The following NELL1 variants were observed in gnomAD, a reference collection of about 807,000 sequenced individuals.
NELL1 encodes the protein protein kinase C-binding protein NELL1.
Under a neutral mutation model 107.4 loss-of-function variants are expected in NELL1, and 76 were observed. The observed-to-expected ratio is 0.71, with a 90% CI of 0.59 to 0.86. The LOEUF (loss-of-function observed/expected upper bound fraction) is 0.86. Among genes scored for constraint, NELL1 ranks in the 40% least tolerant of loss-of-function variants. The probability of loss-of-function intolerance (pLI) is 0.00; values close to 1 mark genes in which losing one functional copy is unlikely to be tolerated. For synonymous variants in NELL1, 353 were observed against 341.2 expected (o/e 1.03, Z -0.38); for missense variants, 1,024 against 1,005.5 (o/e 1.02, Z -0.25).
rs1292131415 is a variant in NELL1 at position 21,570,817 on chromosome 11, T to A, written c.2034T>A (p.Ala678=). The A allele has an allele frequency of 6.2e-7, 1 of 1,611,756 alleles. No individual in the cohort carries two copies. Among genetic ancestry groups the A allele is most frequent in the Non-Finnish European group, 8.5e-7 (1 of 1,178,652 alleles). ...CTTGTGATTGCCAGAATCCAAGTGC[T>A]GACCTATTCTGTTGCCCAGAATGTG... ...RTACDCQNPS[A]DLFCCPECDT... is the part of the protein sequence containing the mutation. Residue 678 remains alanine (A), a synonymous_variant, in exon 18 of 20, where the codon GCT becomes GCA. Transcript: ENST00000357134.
chr11:20,834,309 T>C (rs537325392), intron 3 of NELL1, among the ~76,000 whole-genome samples: 1 of 152,282 alleles, frequency 6.6e-6, no homozygotes, highest in African/African-American at 2.4e-5. Flanking sequence ...GGTTTTTAGC[T>C]TCTGTTCTGA....
intron 12 of NELL1, among the ~76,000 whole-genome samples, chr11:21,113,157 A>G (rs1437905569): frequency 2.6e-5 from 4 of 151,886 alleles, no homozygotes; most frequent in Non-Finnish European, 5.9e-5. Context: ...GAATTGAAGC[A>G]TGTCTTAGTA....
intron 15 of NELL1, among the ~76,000 whole-genome samples, chr11:21,492,747 G>T (rs1475411687): frequency 2.5e-5 from 3 of 118,124 alleles, no homozygotes; most frequent in African/African-American, 9.6e-5. Context: ...GACTGTTGTG[G>T]GGTGGGGGGA....
rs1352681984 is a variant in NELL1 at position 21,573,221 on chromosome 11, A to G, written c.2194A>G (p.Asn732Asp). Residue 732 changes from asparagine (N) to aspartate (D), a missense_variant, in exon 19 of 20, where the codon AAC (asparagine) becomes GAC (aspartate). Asn to Asp is a conservative substitution (Grantham distance 23). Coordinates refer to ENST00000357134, the MANE Select transcript of NELL1 (RefSeq NM_006157.5). ...AGATTGCTGGCCACTCACTTGCCCC[A>G]ACTTGAGCTGTGAGTATACAGCTAT... ...EVDCWPLTCPNLSCEYTAILE... is the reference protein window; with the variant it reads ...EVDCWPLTCPDLSCEYTAILE... 17 of 1,612,070 alleles carry G rather than the reference A, an allele frequency of 1.1e-5. No homozygotes were observed. Among genetic ancestry groups the G allele is most frequent in the Admixed American group, 1.7e-5 (1 of 59,818 alleles).
chr11:21,003,502 A>G (rs905166184), intron 12 of NELL1, among the ~76,000 whole-genome samples: 2 of 152,126 alleles, frequency 1.3e-5, no homozygotes, highest in African/African-American at 2.4e-5. Flanking sequence ...CAAACTCTTT[A>G]TTTTGTGGTA....
intron 13 of NELL1, among the ~76,000 whole-genome samples, chr11:21,189,681 C>CTTTTTTTTTTTTTTTTT (rs58557342): frequency 7.1e-6 from 1 of 141,496 alleles, no homozygotes; most frequent in African/African-American, 2.6e-5. Context: ...TTGTTTCTTC[C>CTTTTTTTTTTTTTTTTT]TTTTTTTTTT....
At chr11:21,468,600 A>AGTT (rs1178891031) in intron 15 of NELL1, among the ~76,000 whole-genome samples, 1 of 152,070 alleles carries the variant, frequency 6.6e-6, no homozygotes, top group Non-Finnish European at 1.5e-5. Context: ...TTCAATAACA[A>AGTT]GTTATTATCT....
chr11:21,404,660 C>T (rs2133802225), intron 15 of NELL1, among the ~76,000 whole-genome samples: 1 of 152,070 alleles, frequency 6.6e-6, no homozygotes, highest in South Asian at 2.1e-4. Flanking sequence ...TCATAATAAT[C>T]CCATGTAACA....
chr11:21,200,890 G>A (rs1437793495), intron 13 of NELL1, among the ~76,000 whole-genome samples: 1 of 152,182 alleles, frequency 6.6e-6, no homozygotes, highest in Non-Finnish European at 1.5e-5. Flanking sequence ...ATTAAATAGA[G>A]TATTCTTTCC....
rs58966638 is a variant in NELL1 at position 21,304,568 on chromosome 11, GT to G, written c.1550-66274del. Among the ~76,000 whole-genome samples the G allele has an allele frequency of 1.6e-3, 217 of 132,738 alleles. 2 individuals are homozygous for G. The highest frequency in any genetic ancestry group is 3.6e-3 in the Middle Eastern group (1 of 274). 87.1% of individuals were successfully genotyped at this position (132,738 alleles called of 152,430 possible). A position where few individuals can be genotyped will look rare whatever the true frequency, so the allele number is the denominator to read the frequency against. ...CTGTACAAATCAGCTTCTTTTGTCTGTTTTTTTTTTTCTCTCTCTCTCCTTT... is the reference window on the plus strand; with the variant it reads ...CTGTACAAATCAGCTTCTTTTGTCTGTTTTTTTTTTCTCTCTCTCTCCTTT... On this transcript the variant is annotated intron_variant, in intron 14 of 19. Coordinates refer to ENST00000357134, the MANE Select transcript of NELL1 (RefSeq NM_006157.5).
chr11:20,797,144 G>T (rs944966059), intron 3 of NELL1, among the ~76,000 whole-genome samples: 11 of 152,194 alleles, frequency 7.2e-5, no homozygotes, highest in Non-Finnish European at 1.3e-4. Flanking sequence ...TAGGCCCAGG[G>T]CATTGGGAGC....
chr11:21,390,538 CGT>C (rs148094715), intron 15 of NELL1, among the ~76,000 whole-genome samples: 2,438 of 150,768 alleles, frequency 0.016, 34 homozygotes, highest in East Asian at 0.065. Context: ...CACACACACA[CGT>C]GCGCACGCAC....
At chr11:21,560,642 A>G (rs183068604) in intron 17 of NELL1, among the ~76,000 whole-genome samples, 15 of 152,156 alleles carry the variant, frequency 9.9e-5, no homozygotes, top group South Asian at 6.2e-4. Context: ...AAAGCCAATG[A>G]TAGTCCTCCC....
chr11:21,135,447 T>G (rs1048033815), intron 13 of NELL1, among the ~76,000 whole-genome samples: 8 of 152,048 alleles, frequency 5.3e-5, no homozygotes, highest in African/African-American at 1.9e-4. Context: ...TATGACCAGA[T>G]TTACCAACTA....
chr11:21,278,979 A>C (rs1376985818), intron 14 of NELL1, among the ~76,000 whole-genome samples: 1 of 152,198 alleles, frequency 6.6e-6, no homozygotes, highest in Non-Finnish European at 1.5e-5. Context: ...ATCTATAGTA[A>C]TATAGTCAAC....
At chr11:21,275,379 A>T (rs1272384712) in intron 14 of NELL1, among the ~76,000 whole-genome samples, 8 of 152,192 alleles carry the variant, frequency 5.3e-5, no homozygotes, top group Non-Finnish European at 4.4e-5. Flanking sequence ...ATAGACCAAT[A>T]ACAGGCTCTG....
intron 15 of NELL1, among the ~76,000 whole-genome samples, chr11:21,467,269 G>T (rs1009083186): frequency 1.3e-5 from 2 of 152,076 alleles, no homozygotes; most frequent in African/African-American, 4.8e-5. Context: ...GTAAATTGGA[G>T]ATAGCAATAG....
At chr11:21,351,892 A>G (rs1850825232) in intron 14 of NELL1, among the ~76,000 whole-genome samples, 3 of 152,164 alleles carry the variant, frequency 2.0e-5, no homozygotes. Flanking sequence ...ATGCTTCTTA[A>G]TTGCGTTCAG....
At chr11:20,788,172 A>G (rs1857006311) in intron 3 of NELL1, among the ~76,000 whole-genome samples, 1 of 152,210 alleles carries the variant, frequency 6.6e-6, no homozygotes, top group East Asian at 1.9e-4. Flanking sequence ...ATGAACATTT[A>G]TGTACAAGCT....
Sources: allele counts gnomAD v4.1 joint callset (sites outside exome capture counted in the v4.1 genomes callset), GRCh38; gene constraint gnomAD v4.1.1; transcripts MANE v1.5; gene names NCBI Gene and HGNC (gene_info 2026-07-23, HGNC 2026-07-21).